The following CFAP52 variants were observed in gnomAD, a reference collection of about 807,000 sequenced individuals.
The protein encoded by CFAP52 is cilia and flagella associated protein 52.
In CFAP52, 57 loss-of-function variants were observed where a neutral mutation model predicts 70.5. The observed-to-expected ratio is 0.81, with a 90% CI of 0.65 to 1.01. The LOEUF is 1.01. Ranked by LOEUF, CFAP52 falls within the 50% of genes least tolerant of loss-of-function variation. The pLI, the probability that CFAP52 is intolerant of heterozygous loss-of-function variation, is 0.00. For synonymous variants in CFAP52, 267 were observed against 292.5 expected, an observed-to-expected ratio of 0.91 and a Z score of 0.89; for missense variants, 785 against 788.5, an observed-to-expected ratio of 1.00 and a Z score of 0.05.
chr17:9,589,153 G>T (rs2151929818), intron 3 of CFAP52, among the ~76,000 whole-genome samples: 1 of 152,132 alleles, frequency 6.6e-6, no homozygotes, highest in South Asian at 2.1e-4. Context: ...ATCAATGCAA[G>T]ACATTCCTAT....
chr17:9,594,095 TG>T, intron 3 of CFAP52, 97 bp from the exon 4 acceptor site: 1 of 1,451,382 alleles, frequency 6.9e-7, no homozygotes. Flanking sequence ...TAACCTGTTG[TG>T]TTTTTTTCTT....
At chr17:9,599,676 T>C (rs1286673602) in intron 5 of CFAP52, among the ~76,000 whole-genome samples, 2 of 152,042 alleles carry the variant, frequency 1.3e-5, no homozygotes, top group African/African-American at 4.8e-5. Context: ...CAGAGGAACC[T>C]CATCCCATTC....
chr17:9,580,883 T>C (rs1306407744), intron 1 of CFAP52, among the ~76,000 whole-genome samples: 1 of 152,214 alleles, frequency 6.6e-6, no homozygotes, highest in African/African-American at 2.4e-5. Flanking sequence ...TTAATGAAGA[T>C]AATCTTTGAG....
intron 1 of CFAP52, among the ~76,000 whole-genome samples, chr17:9,583,267 T>C (rs939207108): frequency 2.6e-5 from 4 of 151,796 alleles, no homozygotes; most frequent in African/African-American, 7.3e-5. Context: ...AAAGGAACAC[T>C]CAATTAAAAT....
At chr17:9,631,028 A>AGAGAGAGAG (rs1910479353) in intron 9 of CFAP52, among the ~76,000 whole-genome samples, 9 of 44,732 alleles carry the variant, frequency 2.0e-4, no homozygotes, top group African/African-American at 1.1e-3. Flanking sequence ...GAAAGAAAGA[A>AGAGAGAGAG]AGAGAGAGAG....
At chr17:9,585,743 T>C (rs1281233426) in intron 1 of CFAP52, 30 bp from the exon 2 acceptor site, 1 of 1,610,290 alleles carries the variant, frequency 6.2e-7, no homozygotes, top group Non-Finnish European at 8.5e-7. Flanking sequence ...CTGCACCTGA[T>C]TATTATTACT....
intron 11 of CFAP52, among the ~76,000 whole-genome samples, chr17:9,636,201 A>G (rs1910782454): frequency 7.9e-6 from 1 of 126,286 alleles, no homozygotes; most frequent in African/African-American, 3.1e-5. Flanking sequence ...GAAAGAAAGA[A>G]AGAAAGAAAG....
At position 9,638,600 on chromosome 17, in the gene CFAP52, A is replaced by G. The variant is rs770668824; in HGVS notation, c.1473-9A>G. 7 of 1,613,054 alleles carry G rather than the reference A, an allele frequency of 4.3e-6. No homozygotes were observed. The East Asian group carries it at 1.3e-4, about 31-fold the overall frequency. On this transcript the variant is annotated splice_polypyrimidine_tract_variant and intron_variant, in intron 11 of 13. Transcript: ENST00000352665. ...GTCGACTTTCACAGCTTTTGAATCT[A>G]CTTTCCAGGCGTCTCAGGAGGAATC...
chr17:9,632,100 C>T (rs976802816), intron 9 of CFAP52, among the ~76,000 whole-genome samples: 33 of 146,238 alleles, frequency 2.3e-4, no homozygotes, highest in African/African-American at 7.9e-4. Flanking sequence ...TTTTTTGAGA[C>T]AGGGTCTTGC....
chr17:9,585,837 C>T lies in CFAP52; in HGVS notation c.135C>T (p.Cys45=). The T allele has an allele frequency of 5.6e-6, 9 of 1,614,024 alleles. No individual in the cohort carries two copies. Among genetic ancestry groups the T allele is most frequent in the Non-Finnish European group, 7.6e-6 (9 of 1,180,018 alleles). ...DQEHMIYPLG[C]TVLIQAINTK... ...AGCATATGATTTATCCTCTTGGTTG[C>T]ACAGTCCTCATTCAGGCAATAAATA... Residue 45 remains cysteine (C), a synonymous_variant, in exon 2 of 14, where the codon TGC becomes TGT. Coordinates refer to ENST00000352665, the MANE Select transcript of CFAP52 (RefSeq NM_145054.5).
chr17:9,579,648 A>C lies in CFAP52; in HGVS notation c.70+2883A>C, dbSNP rs113395932. Among the ~76,000 whole-genome samples the C allele has an allele frequency of 2.2e-3, 332 of 152,216 alleles. 2 individuals are homozygous for C. The highest frequency in any genetic ancestry group is 7.7e-3 in the African/African-American group (318 of 41,528). On this transcript the variant is annotated intron_variant, in intron 1 of 13. Coordinates refer to ENST00000352665, the MANE Select transcript of CFAP52 (RefSeq NM_145054.5). ...AGTGGTGCGATCTCAGCTCACTGCA[A>C]CCTCTGCCTCATGGGTTCAAGTGAT...
intron 8 of CFAP52, among the ~76,000 whole-genome samples, chr17:9,615,850 A>G (rs1206562410): frequency 7.6e-6 from 1 of 132,332 alleles, no homozygotes; most frequent in Non-Finnish European, 1.6e-5. Context: ...ATGTTGCCCA[A>G]GCTGGTTTTC....
chr17:9,596,347 T>G (rs1909020630), intron 4 of CFAP52, among the ~76,000 whole-genome samples: 2 of 151,822 alleles, frequency 1.3e-5, no homozygotes, highest in African/African-American at 4.8e-5. Context: ...GCAATCCACC[T>G]GCCTCGGCCT....
chr17:9,589,441 T>A (rs16958496), intron 3 of CFAP52, among the ~76,000 whole-genome samples: 4,534 of 152,164 alleles, frequency 0.03, 86 homozygotes, highest in African/African-American at 0.055. Context: ...TTTCTGATAA[T>A]AAATGTATTG....
chr17:9,593,211 A>G (rs891274620), intron 3 of CFAP52, among the ~76,000 whole-genome samples: 2 of 152,060 alleles, frequency 1.3e-5, no homozygotes, highest in Non-Finnish European at 2.9e-5. Flanking sequence ...CCCCCTCCCC[A>G]GCATTTTTTT....
At chr17:9,603,750 G>T (rs1237781347) in intron 6 of CFAP52, among the ~76,000 whole-genome samples, 1 of 152,158 alleles carries the variant, frequency 6.6e-6, no homozygotes, top group African/African-American at 2.4e-5. Context: ...ACGGGTTGAT[G>T]GGTGCAGCAA....
chr17:9,643,928 T>C (rs1053752007), downstream of CFAP52, among the ~76,000 whole-genome samples: 1 of 152,230 alleles, frequency 6.6e-6, no homozygotes, highest in Non-Finnish European at 1.5e-5. Context: ...CCTTGTGTAT[T>C]AATCACCCAG....
At chr17:9,584,133 C>A in intron 1 of CFAP52, 1 of 1,160,502 alleles carries the variant, frequency 8.6e-7, no homozygotes, top group Non-Finnish European at 1.1e-6. Context: ...GCTGGTCAGC[C>A]CATTCCCAGA....
intron 5 of CFAP52, 108 bp downstream of exon 5, chr17:9,598,441 G>C: frequency 5.9e-6 from 5 of 852,228 alleles, no homozygotes; most frequent in Non-Finnish European, 9.1e-6. Context: ...GGAAAGTGGG[G>C]TATAGACATA....
Sources: gnomAD v4.1 joint callset for allele counts (sites outside exome capture counted in the v4.1 genomes callset) on GRCh38, gnomAD v4.1.1 for gene constraint, MANE v1.5 for transcripts, NCBI Gene and HGNC (gene_info 2026-07-23, HGNC 2026-07-21) for gene names.